AFF3: variants seen among roughly 807,000 people sequenced by gnomAD.
The protein encoded by AFF3 is ALF transcription elongation factor 3, also known as AF4/FMR2 family member 3.
A neutral mutation model predicts 129.7 loss-of-function variants in AFF3; 32 were observed. The ratio of observed to expected loss-of-function variants is 0.25; its 90% CI spans 0.19 to 0.33. The LOEUF (loss-of-function observed/expected upper bound fraction) is 0.33. Ranked by LOEUF, AFF3 falls within the 10% of genes least tolerant of loss-of-function variation. The probability of loss-of-function intolerance (pLI) is 1.00; values close to 1 mark genes in which losing one functional copy is unlikely to be tolerated. For synonymous variants in AFF3, 644 were observed against 635.4 expected (o/e 1.01, Z -0.20); for missense variants, 1,373 against 1,592.0 (o/e 0.86, Z 2.34).
At chr2:99,702,840 G>C (rs1266775522) in intron 11 of AFF3, among the ~76,000 whole-genome samples, 1 of 152,142 alleles carries the variant, frequency 6.6e-6, no homozygotes, top group African/African-American at 2.4e-5. Context: ...TTTACAAATA[G>C]TTTCTCCCAG....
rs545220031 is a variant in AFF3, at chr2:99,786,555, A to G, written c.922-34254T>C. Among the ~76,000 whole-genome samples, 335 of 152,360 alleles carry G rather than the reference A, an allele frequency of 2.2e-3. 2 individuals carry two copies. Among genetic ancestry groups the G allele is most frequent in the African/African-American group, 7.6e-3 (317 of 41,584 alleles). On this transcript the variant is annotated intron_variant, in intron 8 of 24. Coordinates refer to ENST00000672756, the MANE Select transcript of AFF3 (RefSeq NM_001386135.1). ...GGTAATAATGCAAGTATGACAGCGC[A>G]ATGCAGTAAGCGTAAGGTTGATAAT...
At chr2:99,761,599 A>G (rs1053039559) in intron 8 of AFF3, among the ~76,000 whole-genome samples, 1 of 152,262 alleles carries the variant, frequency 6.6e-6, no homozygotes, top group African/African-American at 2.4e-5. Flanking sequence ...AGAAGAAACA[A>G]AAATAGAATT....
intron 7 of AFF3, among the ~76,000 whole-genome samples, chr2:99,870,095 C>A (rs1307107348): frequency 6.6e-6 from 1 of 152,170 alleles, no homozygotes; most frequent in African/African-American, 2.4e-5. Flanking sequence ...TACCTCAACA[C>A]CAGTGTCTGA....
intron 8 of AFF3, among the ~76,000 whole-genome samples, chr2:99,799,519 G>A (rs970690739): frequency 3.9e-5 from 6 of 151,948 alleles, no homozygotes; most frequent in African/African-American, 7.2e-5. Flanking sequence ...TGGAAGAATC[G>A]ATATTGTTAA....
chr2:99,701,540 T>C (rs1302028578), intron 11 of AFF3, among the ~76,000 whole-genome samples: 2 of 152,234 alleles, frequency 1.3e-5, no homozygotes, highest in African/African-American at 4.8e-5. Context: ...TGTCACAAAA[T>C]GTACAGGGAA....
intron 4 of AFF3, among the ~76,000 whole-genome samples, chr2:100,071,175 T>C (rs1335013004): frequency 1.3e-5 from 2 of 152,208 alleles, no homozygotes; most frequent in Non-Finnish European, 2.9e-5. Context: ...TTTCTTCTTG[T>C]CAACCAGGGT....
At chr2:99,921,250 T>G (rs1341870980) in intron 7 of AFF3, among the ~76,000 whole-genome samples, 1 of 152,138 alleles carries the variant, frequency 6.6e-6, no homozygotes, top group Non-Finnish European at 1.5e-5. Flanking sequence ...AGTCTCATCA[T>G]GAAAAGAATT....
chr2:99,997,485 C>CA (rs370260115), intron 7 of AFF3, among the ~76,000 whole-genome samples: 7 of 148,100 alleles, frequency 4.7e-5, no homozygotes, highest in Admixed American at 2.7e-4. Context: ...ACCCCCCCCC[C>CA]AGATTAGCAC....
At chr2:99,636,109 C>T (rs1242397867) in intron 13 of AFF3, among the ~76,000 whole-genome samples, 2 of 152,216 alleles carry the variant, frequency 1.3e-5, no homozygotes, top group African/African-American at 2.4e-5. Flanking sequence ...GATGACTACA[C>T]CTTAATTTGC....
At chr2:99,918,889 T>C (rs144239439) in intron 7 of AFF3, among the ~76,000 whole-genome samples, 1 of 152,290 alleles carries the variant, frequency 6.6e-6, no homozygotes, top group African/African-American at 2.4e-5. Flanking sequence ...CTTTGAGTCT[T>C]TGTCATTCAA....
intron 11 of AFF3, among the ~76,000 whole-genome samples, chr2:99,710,587 C>T (rs1381566234): frequency 1.3e-5 from 2 of 152,154 alleles, no homozygotes; most frequent in African/African-American, 2.4e-5. Context: ...GATATACCAA[C>T]ACCTGCAGTA....
intron 7 of AFF3, among the ~76,000 whole-genome samples, chr2:99,915,055 C>T (rs926046836): frequency 6.6e-6 from 1 of 151,994 alleles, no homozygotes; most frequent in Non-Finnish European, 1.5e-5. Flanking sequence ...GGCAAAGCAA[C>T]GTGGTGAAGT....
At chr2:99,725,806 A>T (rs182306902) in intron 11 of AFF3, among the ~76,000 whole-genome samples, 35 of 150,998 alleles carry the variant, frequency 2.3e-4, no homozygotes, top group African/African-American at 8.4e-4. Flanking sequence ...AAATAATTTC[A>T]TTATTGAGAA....
chr2:99,740,274 C>G (rs979118877), intron 10 of AFF3, among the ~76,000 whole-genome samples: 2 of 150,180 alleles, frequency 1.3e-5, no homozygotes, highest in African/African-American at 2.4e-5. Context: ...AATAAACATA[C>G]GTGTGCATGT....
At chr2:100,029,320 C>A (rs1442989295) in intron 4 of AFF3, among the ~76,000 whole-genome samples, 1 of 152,126 alleles carries the variant, frequency 6.6e-6, no homozygotes, top group Non-Finnish European at 1.5e-5. Context: ...GATGCTTGGG[C>A]AGAGGAGAAA....
chr2:99,552,291 G>A (rs1280714228), intron 24 of AFF3, among the ~76,000 whole-genome samples: 1 of 152,220 alleles, frequency 6.6e-6, no homozygotes, highest in African/African-American at 2.4e-5. Flanking sequence ...TCCGGAGGCT[G>A]AGGTGGGAGA....
At chr2:100,105,864 A>G in intron 2 of AFF3, 1 of 1,335,370 alleles carries the variant, frequency 7.5e-7, no homozygotes, top group Non-Finnish European at 9.9e-7. Flanking sequence ...GTGCCTCACC[A>G]CGCGAACCAA....
intron 7 of AFF3, among the ~76,000 whole-genome samples, chr2:99,882,280 G>T (rs1379708226): frequency 6.6e-6 from 1 of 152,146 alleles, no homozygotes; most frequent in South Asian, 2.1e-4. Context: ...TCTGCACAAG[G>T]GGGTTTCAAA....
At chr2:99,788,841 C>A (rs952639506) in intron 8 of AFF3, among the ~76,000 whole-genome samples, 5 of 152,058 alleles carry the variant, frequency 3.3e-5, no homozygotes, top group African/African-American at 1.2e-4. Context: ...TTTAAAAAAT[C>A]TTTTATGCTG....
Sources: allele counts gnomAD v4.1 joint callset (sites outside exome capture counted in the v4.1 genomes callset), GRCh38; gene constraint gnomAD v4.1.1; transcripts MANE v1.5; gene names NCBI Gene and HGNC (gene_info 2026-07-23, HGNC 2026-07-21).